DPP6: variants seen among roughly 807,000 people sequenced by gnomAD.
The protein encoded by DPP6 is A-type potassium channel modulatory protein DPP6.
In DPP6, 69 loss-of-function variants were observed where a neutral mutation model predicts 122.6. The observed-to-expected ratio is 0.56, with a 90% CI of 0.46 to 0.69. The LOEUF (loss-of-function observed/expected upper bound fraction) is 0.69, where lower values mean the gene tolerates loss of function less well. Ranked by LOEUF, DPP6 falls within the 30% of genes least tolerant of loss-of-function variation. DPP6 has a pLI of 0.00. For synonymous variants in DPP6, 418 were observed against 433.1 expected, an observed-to-expected ratio of 0.97 and a Z score of 0.43; for missense variants, 928 against 1,116.9, an observed-to-expected ratio of 0.83 and a Z score of 2.41.
chr7:154,253,849 A>AG (rs1390056750), intron 1 of DPP6, among the ~76,000 whole-genome samples: 8 of 152,324 alleles, frequency 5.3e-5, no homozygotes, highest in Non-Finnish European at 7.3e-5. Context: ...AAGCATGGCC[A>AG]GGGGGCCTTA....
At chr7:154,885,992 G>T (rs1018851573) in intron 22 of DPP6, among the ~76,000 whole-genome samples, 1 of 152,216 alleles carries the variant, frequency 6.6e-6, no homozygotes, top group African/African-American at 2.4e-5. Flanking sequence ...TGAAGACCAC[G>T]AGTTGGAAAC....
At chr7:153,903,615 C>T (rs1799729399) in intron 1 of DPP6, among the ~76,000 whole-genome samples, 1 of 152,172 alleles carries the variant, frequency 6.6e-6, no homozygotes, top group African/African-American at 2.4e-5. Flanking sequence ...TATAAACAAT[C>T]TTATTCAATA....
rs779785452 is a variant in DPP6 at position 154,618,621 on chromosome 7, C to A, written c.628-19200C>A. Among the ~76,000 whole-genome samples, 8 of 152,194 alleles carry A rather than the reference C, an allele frequency of 5.3e-5. No homozygotes were observed. ...ATGTGCTCAGAGCCACGCACAGGAT[C>A]GCTAGAAGCCGGGGCCACAGCCCAG... On this transcript the variant is annotated intron_variant, in intron 5 of 25. Transcript: ENST00000377770. The surrounding 1 kb of genome is among the most constrained non-coding windows in gnomAD (Gnocchi z 4.1).
the DPP6 span, among the ~76,000 whole-genome samples, chr7:153,866,341 C>T: frequency 1.5e-4 from 23 of 152,138 alleles, no homozygotes; most frequent in African/African-American, 5.3e-4. Flanking sequence ...TAATGATCGC[C>T]GTTCTACCTA....
chr7:154,032,672 T>C (rs1457608540), intron 1 of DPP6, among the ~76,000 whole-genome samples: 1 of 152,216 alleles, frequency 6.6e-6, no homozygotes, highest in African/African-American at 2.4e-5. Context: ...TTTTATCTTA[T>C]ATATTTAAAC....
chr7:154,375,638 G>A (rs886885396), intron 1 of DPP6, among the ~76,000 whole-genome samples: 2 of 151,588 alleles, frequency 1.3e-5, no homozygotes, highest in African/African-American at 2.4e-5. Flanking sequence ...AGTGAGAAGG[G>A]AGCCATCCAC....
At chr7:154,338,885 C>T (rs1378018177) in intron 1 of DPP6, among the ~76,000 whole-genome samples, 2 of 152,160 alleles carry the variant, frequency 1.3e-5, no homozygotes, top group Non-Finnish European at 2.9e-5. Flanking sequence ...CGGCGGGTGG[C>T]ATTGCCCTGC....
intron 12 of DPP6, among the ~76,000 whole-genome samples, chr7:154,799,262 T>A (rs1798214642): frequency 6.6e-6 from 1 of 152,152 alleles, no homozygotes; most frequent in Non-Finnish European, 1.5e-5. Flanking sequence ...GAATCCTCAG[T>A]ACGGTCACCC....
the DPP6 span, among the ~76,000 whole-genome samples, chr7:153,863,287 G>GTA: frequency 1.3e-5 from 2 of 152,120 alleles, no homozygotes; most frequent in African/African-American, 2.4e-5. Context: ...TGGCTGCATA[G>GTA]TATTCCATGG....
the DPP6 span, among the ~76,000 whole-genome samples, chr7:153,862,235 A>G: frequency 6.6e-6 from 1 of 152,236 alleles, no homozygotes; most frequent in Admixed American, 6.5e-5. Context: ...TTTTTAAAAT[A>G]CAAGAAAAGA....
chr7:154,296,215 A>G (rs765314774), intron 1 of DPP6, among the ~76,000 whole-genome samples: 2 of 152,022 alleles, frequency 1.3e-5, no homozygotes, highest in African/African-American at 2.4e-5. Context: ...AAGTGCTGGG[A>G]TGACAGGCGT....
intron 1 of DPP6, among the ~76,000 whole-genome samples, chr7:154,341,446 C>G (rs910746672): frequency 3.9e-5 from 6 of 151,956 alleles, no homozygotes; most frequent in African/African-American, 1.5e-4. Context: ...TTCTCATACT[C>G]TGTAGTCGCA....
In DPP6 at chr7:154,222,681, A is replaced by G. The variant is rs561671148; in HGVS notation, c.243+169618A>G. Among the ~76,000 whole-genome samples, 7 of 149,348 alleles carry G rather than the reference A, an allele frequency of 4.7e-5. No individual in the cohort carries two copies. The East Asian group carries it at 1.4e-3, about 29-fold the overall frequency. On this transcript the variant is annotated intron_variant, in intron 1 of 25. Transcript: ENST00000377770. The stretch of plus-strand genomic sequence containing the variant: ...AAAAATAAATAAAATAAAATAAAAT[A>G]AATTAAATAATCTGCTTTGCAACAG...
intron 1 of DPP6, among the ~76,000 whole-genome samples, chr7:154,086,907 G>A (rs1804466822): frequency 6.6e-6 from 1 of 152,154 alleles, no homozygotes; most frequent in Non-Finnish European, 1.5e-5. Flanking sequence ...ATTGCTAAGG[G>A]CCCAGTGAAG....
chr7:153,983,279 C>T lies in DPP6; in HGVS notation c.51+95545C>T, dbSNP rs538101008. On this transcript the variant is annotated intron_variant, in intron 1 of 25. Coordinates refer to the DPP6 transcript ENST00000404039. ...GGAATCTAGAGAGGCAGTCTGGCTG[C>T]AGTGGCTTGGCCGTGCTGCCATGGG... Among the ~76,000 whole-genome samples, 595 of 152,364 alleles carry T rather than the reference C, an allele frequency of 3.9e-3. 3 individuals carry two copies. Among genetic ancestry groups the T allele is most frequent in the African/African-American group, 0.013 (560 of 41,588 alleles).
chr7:153,965,181 A>C (rs1419172476), intron 1 of DPP6, among the ~76,000 whole-genome samples: 1 of 151,918 alleles, frequency 6.6e-6, no homozygotes, highest in Non-Finnish European at 1.5e-5. Context: ...AGTGTATCTC[A>C]TAATATTTAT....
At chr7:153,900,856 C>G (rs891930055) in intron 1 of DPP6, among the ~76,000 whole-genome samples, 1 of 152,136 alleles carries the variant, frequency 6.6e-6, no homozygotes, top group Non-Finnish European at 1.5e-5. Context: ...GCTGTGGCCC[C>G]AAAATAATTT....
chr7:154,052,908 G>A lies in DPP6; in HGVS notation c.88G>A (p.Gly30Ser), dbSNP rs1217247861. Residue 30 changes from glycine to serine, a missense_variant, in exon 1 of 26, where the codon GGC becomes AGC. Physicochemically the swap from Gly to Ser is moderately conservative, Grantham distance 56. Coordinates refer to ENST00000377770, the MANE Select transcript of DPP6 (RefSeq NM_130797.4). The surrounding 1 kb of genome is among the most constrained non-coding windows in gnomAD (Gnocchi z 4.8). The part of the protein sequence containing the change: ...APPEASHLLG[G>S]QGPEEDGGAG... ...CCCGGAGGCGAGTCACCTCCTGGGC[G>A]GCCAGGGGCCCGAGGAGGACGGCGG... 6 of 1,514,028 alleles carry A rather than the reference G, an allele frequency of 4.0e-6. No individual in the cohort carries two copies. In the East Asian group the frequency reaches 1.6e-4, roughly 39 times the overall value. 93.8% of individuals were successfully genotyped at this position (1,514,028 alleles called of 1,614,324 possible). A position where few individuals can be genotyped will look rare whatever the true frequency, so the allele number is the denominator to read the frequency against.
chr7:154,180,697 A>T (rs564592838), intron 1 of DPP6, among the ~76,000 whole-genome samples: 1 of 151,970 alleles, frequency 6.6e-6, no homozygotes, highest in African/African-American at 2.4e-5. Flanking sequence ...GGGAAAAGAT[A>T]TTCTAGGAAT....
Sources: allele counts gnomAD v4.1 joint callset (sites outside exome capture counted in the v4.1 genomes callset), GRCh38; gene constraint gnomAD v4.1.1; non-coding constraint Gnocchi (gnomAD v3.1); transcripts MANE v1.5; gene names NCBI Gene and HGNC (gene_info 2026-07-23, HGNC 2026-07-21).